The following PLA2G4A variants were observed in gnomAD, a reference collection of about 807,000 sequenced individuals.
PLA2G4A encodes cytosolic phospholipase A2.
PLA2G4A carries 40 observed loss-of-function variants against 81.9 expected under a neutral mutation model. The observed-to-expected ratio is 0.49, with a 90% CI of 0.38 to 0.64. PLA2G4A has a LOEUF of 0.64. PLA2G4A is among the 30% of genes least tolerant of loss of function. The probability of loss-of-function intolerance (pLI) is 0.00; values close to 1 mark genes in which losing one functional copy is unlikely to be tolerated. For missense variants in PLA2G4A, 715 were observed against 905.1 expected (o/e 0.79, Z 2.69); for synonymous variants, 302 against 296.9 (o/e 1.02, Z -0.18).
In PLA2G4A at chr1:186,890,843, C is replaced by T. The variant is rs1480862370; in HGVS notation, c.116-2168C>T. ...ACTCCAGCCTGGCAACAGAGCAAGA[C>T]TCTGTCTCAAAAAAAAAAAAAAAGG... On this transcript the variant is annotated intron_variant, in intron 3 of 17. Transcript: ENST00000367466. 2.9e-5 allele frequency among the ~76,000 whole-genome samples: 4 copies of T among 136,498 alleles called. No individual in the cohort carries two copies. In the East Asian group the frequency reaches 8.4e-4, roughly 29 times the overall value. The allele number at this position is 136,498 out of a possible 152,430, so 89.5% of individuals were successfully genotyped here. A position where few individuals can be genotyped will look rare whatever the true frequency, so the allele number is the denominator to read the frequency against.
At chr1:186,850,759 T>G (rs1652344374) in intron 1 of PLA2G4A, among the ~76,000 whole-genome samples, 1 of 151,936 alleles carries the variant, frequency 6.6e-6, no homozygotes. Flanking sequence ...ACTTGGAGAG[T>G]GTCAAGTATA....
At chr1:186,854,978 A>C (rs1652498659) in intron 2 of PLA2G4A, among the ~76,000 whole-genome samples, 2 of 151,988 alleles carry the variant, frequency 1.3e-5, no homozygotes, top group African/African-American at 2.4e-5. Flanking sequence ...ACTCAGGTTT[A>C]TAAGAAGTAG....
At chr1:186,961,477 A>G (rs1433721320) in intron 14 of PLA2G4A, among the ~76,000 whole-genome samples, 2 of 139,114 alleles carry the variant, frequency 1.4e-5, no homozygotes, top group Non-Finnish European at 3.0e-5. Context: ...TTATTTGTCT[A>G]CAAAATAAAA....
chr1:186,961,798 A>T (rs1355923182), intron 14 of PLA2G4A, among the ~76,000 whole-genome samples: 1 of 152,178 alleles, frequency 6.6e-6, no homozygotes, highest in Non-Finnish European at 1.5e-5. Context: ...CTTTCATTAG[A>T]TTAGGGAAAA....
chr1:186,987,731 A>G (rs1267829023), intron 17 of PLA2G4A, among the ~76,000 whole-genome samples: 2 of 152,200 alleles, frequency 1.3e-5, no homozygotes, highest in East Asian at 3.9e-4. Flanking sequence ...AGCAGTTCTT[A>G]GAGGTTGTAG....
chr1:186,957,970 A>G (rs1656812754), intron 14 of PLA2G4A, among the ~76,000 whole-genome samples: 1 of 152,158 alleles, frequency 6.6e-6, no homozygotes, highest in South Asian at 2.1e-4. Context: ...TTTCCAAAAA[A>G]TTTTTCTACT....
intron 5 of PLA2G4A, among the ~76,000 whole-genome samples, chr1:186,901,512 G>T (rs1571382332): frequency 6.6e-6 from 1 of 152,210 alleles, no homozygotes; most frequent in East Asian, 1.9e-4. Context: ...TACAGGAGGT[G>T]CTATAAACCT....
intron 17 of PLA2G4A, among the ~76,000 whole-genome samples, 154 bp from the exon 18 acceptor site, chr1:186,988,223 A>C (rs1156421049): frequency 6.6e-6 from 1 of 152,184 alleles, no homozygotes; most frequent in Non-Finnish European, 1.5e-5. Flanking sequence ...TGGGATGTTG[A>C]ATTTAAATGT....
intron 13 of PLA2G4A, among the ~76,000 whole-genome samples, chr1:186,953,521 T>C (rs1376537912): frequency 6.6e-6 from 1 of 152,210 alleles, no homozygotes. Flanking sequence ...GGGTTATCCT[T>C]TTATTCTCTT....
At chr1:186,902,073 A>G (rs1240542091) in intron 5 of PLA2G4A, among the ~76,000 whole-genome samples, 1 of 152,188 alleles carries the variant, frequency 6.6e-6, no homozygotes, top group African/African-American at 2.4e-5. Context: ...CCTAGGCTAT[A>G]TGGTGTAGCC....
intron 12 of PLA2G4A, among the ~76,000 whole-genome samples, chr1:186,947,846 CA>C (rs1340591009): frequency 6.6e-6 from 1 of 152,136 alleles, no homozygotes; most frequent in Non-Finnish European, 1.5e-5. Flanking sequence ...TATCTGAGAA[CA>C]AAGAAGTCGA....
chr1:186,838,561 T>C (rs1238726258), intron 1 of PLA2G4A, among the ~76,000 whole-genome samples: 1 of 152,212 alleles, frequency 6.6e-6, no homozygotes, highest in Non-Finnish European at 1.5e-5. Flanking sequence ...ACCTAGCCAG[T>C]TGCTAGGCCT....
chr1:186,959,536 T>A (rs1656875244), intron 14 of PLA2G4A, among the ~76,000 whole-genome samples: 1 of 152,196 alleles, frequency 6.6e-6, no homozygotes, highest in African/African-American at 2.4e-5. Context: ...ATATGGGGTA[T>A]TGATTTCATT....
intron 1 of PLA2G4A, among the ~76,000 whole-genome samples, chr1:186,842,966 GTAGAGTGAAA>G (rs1267310031): frequency 6.6e-6 from 1 of 152,116 alleles, no homozygotes; most frequent in African/African-American, 2.4e-5. Flanking sequence ...AGGGTCTTTT[GTAGAGTGAAA>G]AAATGACATA....
chr1:186,889,388 G>A (rs1002996126), intron 3 of PLA2G4A, among the ~76,000 whole-genome samples: 8 of 152,116 alleles, frequency 5.3e-5, no homozygotes, highest in African/African-American at 1.4e-4. Context: ...GATGAAGGTC[G>A]GGGTCTATGT....
intron 8 of PLA2G4A, among the ~76,000 whole-genome samples, chr1:186,934,458 A>ATATATATATATG (rs1317187251): frequency 1.6e-5 from 2 of 128,868 alleles, no homozygotes; most frequent in Non-Finnish European, 3.1e-5. Flanking sequence ...ATATATATAT[A>ATATATATATATG]TATATACATA....
chr1:186,981,067 A>G (rs1260679361), intron 17 of PLA2G4A, among the ~76,000 whole-genome samples: 2 of 152,184 alleles, frequency 1.3e-5, no homozygotes, highest in East Asian at 1.9e-4. Flanking sequence ...ATAAATTCTC[A>G]AAATAGAGTT....
chr1:186,967,232 T>C (rs1278403141), intron 15 of PLA2G4A, among the ~76,000 whole-genome samples: 1 of 152,154 alleles, frequency 6.6e-6, no homozygotes, highest in African/African-American at 2.4e-5. Flanking sequence ...TTCAAAGTGC[T>C]TTCATACTTT....
At position 186,894,184 on chromosome 1, in the gene PLA2G4A, G is replaced by C; in HGVS notation, c.351G>C (p.Lys117Asn). 7.1e-7 allele frequency: 1 copy of C among 1,400,572 alleles called. No homozygotes were observed. The highest frequency in any genetic ancestry group is 1.0e-6 in the Non-Finnish European group (1 of 985,026). The allele number at this position is 1,400,572 out of a possible 1,614,324, so 86.8% of individuals were successfully genotyped here. Residue 117 changes from lysine to asparagine, a missense_variant, in exon 5 of 18, where the codon AAG (lysine) becomes AAC (asparagine). By Grantham distance (94) the Lys-to-Asn change is moderately conservative (BLOSUM62 0). Coordinates refer to ENST00000367466, the MANE Select transcript of PLA2G4A (RefSeq NM_024420.3). ...TATCTTCTATGAAGGTGGGAGAAAAGAAAGAAGTTCCTTTTATTTTCAACC... is the reference window on the plus strand; with the variant it reads ...TATCTTCTATGAAGGTGGGAGAAAACAAAGAAGTTCCTTTTATTTTCAACC... ...FTVSSMKVGE[K>N]KEVPFIFNQV... is the part of the protein sequence containing the mutation.
Sources: gnomAD v4.1 joint callset for allele counts (sites outside exome capture counted in the v4.1 genomes callset) on GRCh38, gnomAD v4.1.1 for gene constraint, MANE v1.5 for transcripts, NCBI Gene and HGNC (gene_info 2026-07-23, HGNC 2026-07-21) for gene names.